Variants in XPO7 observed in about 807,000 individuals in gnomAD.
The protein encoded by XPO7 is exportin-7.
Under a neutral mutation model 144.3 loss-of-function variants are expected in XPO7, and 21 were observed. The observed-to-expected ratio is 0.15, with a 90% CI of 0.10 to 0.21. XPO7 has a LOEUF of 0.21. Among genes scored for constraint, XPO7 ranks in the 10% least tolerant of loss-of-function variants. XPO7 has a pLI of 1.00. For synonymous variants in XPO7, 580 were observed against 499.6 expected, an observed-to-expected ratio of 1.16 and a Z score of -2.15; for missense variants, 808 against 1,325.8, an observed-to-expected ratio of 0.61 and a Z score of 6.06.
intron 20 of XPO7, 29 bp from the exon 21 acceptor site, chr8:21,995,463 G>A: frequency 6.4e-7 from 1 of 1,566,228 alleles, no homozygotes; most frequent in Non-Finnish European, 8.7e-7. Context: ...TCTGGAATCA[G>A]AAATCTTTCC....
chr8:21,944,427 C>T (rs766798608), intron 1 of XPO7, among the ~76,000 whole-genome samples: 6 of 151,974 alleles, frequency 3.9e-5, no homozygotes, highest in South Asian at 2.1e-4. Flanking sequence ...ATTAGCCAGG[C>T]GTGGTGGTGC....
At chr8:21,961,249 A>T (rs1811717389) in intron 1 of XPO7, among the ~76,000 whole-genome samples, 1 of 148,256 alleles carries the variant, frequency 6.7e-6, no homozygotes, top group South Asian at 2.1e-4. Flanking sequence ...TCACTCTGTC[A>T]CCCAGGCTGG....
At chr8:21,966,380 T>C (rs1811885022) in intron 1 of XPO7, 2 of 760,398 alleles carry the variant, frequency 2.6e-6, no homozygotes, top group East Asian at 4.9e-5. Context: ...TTTACGCATA[T>C]ACATTATTGT....
chr8:21,936,118 T>A (rs1293403134), intron 1 of XPO7, among the ~76,000 whole-genome samples: 2 of 152,210 alleles, frequency 1.3e-5, no homozygotes, highest in African/African-American at 4.8e-5. Flanking sequence ...GTTTCCAGTC[T>A]TTTAATGTCT....
At chr8:21,953,842 TTTAA>T (rs1221047098) in intron 1 of XPO7, among the ~76,000 whole-genome samples, 2 of 152,230 alleles carry the variant, frequency 1.3e-5, no homozygotes, top group Admixed American at 6.5e-5. Context: ...TTTTGACTTT[TTTAA>T]TTGGTTTGTT....
intron 1 of XPO7, among the ~76,000 whole-genome samples, chr8:21,936,798 C>CCTTT (rs201879112): frequency 0.028 from 4,228 of 152,186 alleles, 75 homozygotes; most frequent in Non-Finnish European, 0.043. Context: ...AACACTCACT[C>CCTTT]CTTTATAGGT....
Position 21,999,589 on chromosome 8 carries a change from G to A in XPO7, c.2697G>A (p.Gln899=), listed in dbSNP as rs1813069361. The A allele has an allele frequency of 6.2e-7, 1 of 1,613,948 alleles. No homozygotes were observed. The highest frequency in any genetic ancestry group is 8.5e-7 in the Non-Finnish European group (1 of 1,179,896). Residue 899 remains glutamine, a synonymous_variant, in exon 24 of 28, where the codon CAG becomes CAA. Transcript: ENST00000252512. ...SYYSLLEVLT[Q]DHMNFIASLE... ...ATTCACTACTGGAAGTCCTGACCCA[G>A]GACCATATGAACTTTATTGCAAGCC... is the stretch of plus-strand genomic sequence containing the variant.
chr8:21,985,128 G>A (rs982167217), intron 12 of XPO7, among the ~76,000 whole-genome samples: 7 of 152,078 alleles, frequency 4.6e-5, no homozygotes, highest in Non-Finnish European at 7.4e-5. Flanking sequence ...TCAGCCTCCC[G>A]AAGTAGCTGG....
intron 1 of XPO7, among the ~76,000 whole-genome samples, chr8:21,933,439 G>A (rs1373571349): frequency 1.3e-5 from 2 of 152,072 alleles, no homozygotes; most frequent in African/African-American, 4.8e-5. Context: ...TGTTGTTACT[G>A]TTATTTAATA....
At chr8:21,995,255 C>T (rs146554235) in intron 20 of XPO7, among the ~76,000 whole-genome samples, 4 of 152,158 alleles carry the variant, frequency 2.6e-5, no homozygotes, top group Non-Finnish European at 5.9e-5. Context: ...ACATCATGCT[C>T]TTCAGAAGAA....
intron 22 of XPO7, 69 bp from the exon 23 acceptor site, chr8:21,999,022 A>G (rs977920868): frequency 3.8e-6 from 6 of 1,578,208 alleles, no homozygotes; most frequent in Non-Finnish European, 4.3e-6. Context: ...ATGCCTTTGG[A>G]GTAGGAAGGC....
intron 1 of XPO7, among the ~76,000 whole-genome samples, chr8:21,948,234 A>T (rs1248263281): frequency 6.6e-6 from 1 of 152,250 alleles, no homozygotes; most frequent in African/African-American, 2.4e-5. Context: ...GACAGTGGTC[A>T]CGTAAGATTA....
rs1346422837 is a variant in XPO7 at position 21,974,756 on chromosome 8, C to T, written c.579C>T (p.Ser193=). The T allele has an allele frequency of 1.3e-6, 2 of 1,572,808 alleles. No individual in the cohort carries two copies. Among genetic ancestry groups the T allele is most frequent in the African/African-American group, 2.7e-5 (2 of 74,222 alleles). ...CATTATTTGATATCTTCACACTTTC[C>T]TGCAATTTACTAAAACAGGTGAGCA... ...DSSLFDIFTL[S]CNLLKQASGK... is the part of the protein sequence containing the mutation. Residue 193 remains serine (S), a synonymous_variant, in exon 6 of 28, where the codon TCC becomes TCT. Transcript: ENST00000252512.
intron 1 of XPO7, among the ~76,000 whole-genome samples, chr8:21,961,993 C>T (rs937561038): frequency 3.3e-5 from 5 of 152,164 alleles, no homozygotes; most frequent in African/African-American, 9.7e-5. Flanking sequence ...GCTATCTCAT[C>T]GTGATTTGAA....
chr8:21,931,383 GA>G (rs1810644668), intron 1 of XPO7, among the ~76,000 whole-genome samples: 2 of 151,974 alleles, frequency 1.3e-5, no homozygotes, highest in Non-Finnish European at 2.9e-5. Context: ...GGCTGGTCTC[GA>G]ACTCTTGACC....
At chr8:21,974,813 T>G (rs1488227085) in intron 6 of XPO7, 39 bp downstream of exon 6, 1 of 1,472,736 alleles carries the variant, frequency 6.8e-7, no homozygotes, top group South Asian at 1.3e-5. Context: ...CAGTTTCTTT[T>G]GAAAGAATGA....
chr8:21,990,265 T>C, intron 16 of XPO7, 79 bp from the exon 17 acceptor site: 1 of 1,448,322 alleles, frequency 6.9e-7, no homozygotes, highest in South Asian at 1.2e-5. Flanking sequence ...TGAACTGTCC[T>C]TTATTCTGGA....
intron 1 of XPO7, among the ~76,000 whole-genome samples, chr8:21,948,422 A>G (rs1038054288): frequency 2.6e-5 from 4 of 152,242 alleles, no homozygotes; most frequent in African/African-American, 9.6e-5. Context: ...AGGCTATACC[A>G]TATAGCTTAG....
At chr8:21,979,648 C>A (rs979170313) in intron 8 of XPO7, among the ~76,000 whole-genome samples, 1 of 151,788 alleles carries the variant, frequency 6.6e-6, no homozygotes, top group African/African-American at 2.4e-5. Context: ...ACCTCGTGAT[C>A]TGCCTGCCTC....
Sources: gnomAD v4.1 joint callset for allele counts (sites outside exome capture counted in the v4.1 genomes callset) on GRCh38, gnomAD v4.1.1 for gene constraint, MANE v1.5 for transcripts, NCBI Gene and HGNC (gene_info 2026-07-23, HGNC 2026-07-21) for gene names.